Variants in UBR4 observed in about 807,000 individuals in gnomAD.
UBR4 encodes E3 ubiquitin-protein ligase UBR4.
UBR4 carries 124 observed loss-of-function variants against 575.6 expected under a neutral mutation model. That is an observed-to-expected ratio of 0.22 (90% CI 0.19 to 0.25). The LOEUF (loss-of-function observed/expected upper bound fraction) is 0.25, where lower values mean the gene tolerates loss of function less well. UBR4 is among the 10% of genes least tolerant of loss of function. UBR4 has a pLI of 1.00. For synonymous variants in UBR4, 2,455 were observed against 2,473.7 expected, an observed-to-expected ratio of 0.99 and a Z score of 0.22; for missense variants, 4,818 against 6,478.8, an observed-to-expected ratio of 0.74 and a Z score of 8.80.
At chr1:19,174,626 T>G (rs1263018325) in intron 21 of UBR4, among the ~76,000 whole-genome samples, 179 bp from the exon 22 acceptor site, 1 of 152,264 alleles carries the variant, frequency 6.6e-6, no homozygotes, top group Non-Finnish European at 1.5e-5. Flanking sequence ...CAAGCTATTG[T>G]GAGCACACAG....
Position 19,114,961 on chromosome 1 carries a change from A to G in UBR4, c.11064-12T>C. On this transcript the variant is annotated splice_polypyrimidine_tract_variant and intron_variant, in intron 74 of 105. Transcript: ENST00000375254. ...CGTAGTTGATGGATCTGAGTAACCA[A>G]AGCGTTTGGGTCAGTAAGGTGACAA... 1 of 1,614,142 alleles carries G rather than the reference A, an allele frequency of 6.2e-7. No individual in the cohort carries two copies. Among genetic ancestry groups the G allele is most frequent in the African/African-American group, 1.3e-5 (1 of 75,044 alleles).
Position 19,117,381 on chromosome 1 carries a change from G to A in UBR4, c.10663C>T (p.Arg3555Trp). The change falls in exon 73 of 106, where the codon CGG becomes TGG. Residue 3555 changes from arginine to tryptophan, a missense_variant. By Grantham distance (101) the Arg-to-Trp change is moderately radical. This residue lies in a region of UBR4 where 550 missense variants were observed against 791.5 expected (regional missense o/e 0.69). Coordinates refer to ENST00000375254, the MANE Select transcript of UBR4 (RefSeq NM_020765.3). The surrounding 1 kb of genome is among the most constrained non-coding windows in gnomAD (Gnocchi z 4.0). ...IKLSSIKVDT[R>W]YTTTQQVVKL... ...ACAACCTGCTGGGTGGTGGTGTACC[G>A]CGTGTCCACTTTAATGGAAGACAGC... 4.3e-6 allele frequency: 7 copies of A among 1,614,164 alleles called. No homozygotes were observed. The highest frequency in any genetic ancestry group is 2.2e-5 in the East Asian group (1 of 44,888).
chr1:19,164,314 C>T lies in UBR4; in HGVS notation c.4639G>A (p.Ala1547Thr). Residue 1547 changes from alanine to threonine, a missense_variant, in exon 33 of 106, where the codon GCA becomes ACA. Physicochemically the swap from Ala to Thr is moderately conservative, Grantham distance 58. Around this residue, in one of 29 missense-constraint regions of UBR4, gnomAD observed 1,172 missense variants for 1,259.7 expected, o/e 0.93. Transcript: ENST00000375254. ...TGAAGGTGACCAGCACCTTGACCTG[C>T]ACTGGCCAGAGTGGCCATCACAACC... Reference protein sequence around the residue: ...LMVVMATLASAGQGAGHLQLH... With the variant: ...LMVVMATLASTGQGAGHLQLH... 6.2e-7 allele frequency: 1 copy of T among 1,614,236 alleles called. No homozygotes were observed. Among genetic ancestry groups the T allele is most frequent in the Middle Eastern group, 1.6e-4 (1 of 6,062 alleles).
intron 97 of UBR4, among the ~76,000 whole-genome samples, chr1:19,090,295 C>T (rs1413054593): frequency 6.6e-6 from 1 of 152,192 alleles, no homozygotes; most frequent in Non-Finnish European, 1.5e-5. Flanking sequence ...CGATAAAAGC[C>T]TGTCAACTGT....
In UBR4 at chr1:19,185,199, G is replaced by A. The variant is rs377298895; in HGVS notation, c.1838C>T (p.Pro613Leu). ...KEKAAPPPPP[P>L]PPPLESSPRV... is the part of the protein sequence containing the mutation. ...AGGAGAGCTTTCCAGTGGAGGAGGTGGGGGAGGAGGCGGAGGTGCTGCTTT... is the reference window on the plus strand; with the variant it reads ...AGGAGAGCTTTCCAGTGGAGGAGGTAGGGGAGGAGGCGGAGGTGCTGCTTT... The change falls in exon 15 of 106, where the codon CCA becomes CTA. Residue 613 changes from proline to leucine, a missense_variant. Physicochemically the swap from Pro to Leu is moderately conservative, Grantham distance 98 (BLOSUM62 -3). Transcript: ENST00000375254. 2.5e-6 allele frequency: 4 copies of A among 1,614,074 alleles called. No homozygotes were observed. Among genetic ancestry groups the A allele is most frequent in the African/African-American group, 2.7e-5 (2 of 75,046 alleles).
chr1:19,124,161 G>T (rs1252060442), intron 65 of UBR4, among the ~76,000 whole-genome samples: 1 of 152,188 alleles, frequency 6.6e-6, no homozygotes, highest in Admixed American at 6.5e-5. Flanking sequence ...TACTATCCCT[G>T]TGTTACCTCA....
rs2077675588 is a variant in UBR4 at position 19,093,009 on chromosome 1, G to A, written c.14112-91C>T. On this transcript the variant is annotated intron_variant, in intron 96 of 105. Transcript: ENST00000375254. This position sits in a 1 kb window ranked among gnomAD's most constrained non-coding sequence, Gnocchi z 4.8. ...GACTCTGGCTTGTTTAAACCCCCAG[G>A]GCATGATTAACCGTGACCCTCTCCG... is the stretch of plus-strand genomic sequence containing the variant. The A allele has an allele frequency of 2.5e-6, 3 of 1,190,142 alleles. No individual in the cohort carries two copies. Among genetic ancestry groups the A allele is most frequent in the Admixed American group, 2.0e-5 (1 of 48,798 alleles). The allele number at this position is 1,190,142 out of a possible 1,614,324, so 73.7% of individuals were successfully genotyped here. A position where few individuals can be genotyped will look rare whatever the true frequency, so the allele number is the denominator to read the frequency against.
At chr1:19,104,491 G>C (rs2078979988) in intron 86 of UBR4, 94 bp downstream of exon 86, 1 of 1,390,228 alleles carries the variant, frequency 7.2e-7, no homozygotes, top group African/African-American at 1.4e-5. Flanking sequence ...GTCAGTACCA[G>C]AGAGAAGAGA....
At chr1:19,141,553 C>T (rs1246290112) in intron 56 of UBR4, 29 bp from the exon 57 acceptor site, 3 of 1,597,566 alleles carry the variant, frequency 1.9e-6, no homozygotes, top group Non-Finnish European at 8.5e-7. Flanking sequence ...GTCAGTGTCC[C>T]ATGGTAAGTG....
In UBR4 at chr1:19,155,648, A is replaced by G. The variant is rs766237494; in HGVS notation, c.6093T>C (p.Asp2031=). ...DFVKIYDLCV[D]ALSPTFYFLL... The stretch of plus-strand genomic sequence containing the variant: ...GAAAATAGAAGGTTGGACTCAAGGC[A>G]TCAACACACAGGTCATAAATCTGCA... The change falls in exon 43 of 106, where the codon GAT becomes GAC. Residue 2031 remains aspartate, a synonymous_variant. Coordinates refer to ENST00000375254, the MANE Select transcript of UBR4 (RefSeq NM_020765.3). 6.2e-7 allele frequency: 1 copy of G among 1,614,194 alleles called. No individual in the cohort carries two copies. The highest frequency in any genetic ancestry group is 8.5e-7 in the Non-Finnish European group (1 of 1,180,008).
chr1:19,190,312 A>AATATAT (rs1553226959), intron 11 of UBR4, among the ~76,000 whole-genome samples: 340 of 79,454 alleles, frequency 4.3e-3, no homozygotes, highest in African/African-American at 4.9e-3. Flanking sequence ...AAAAAAAAAA[A>AATATAT]ATATATATAT....
chr1:19,136,667 T>C (rs2083231234), intron 60 of UBR4, among the ~76,000 whole-genome samples: 1 of 152,178 alleles, frequency 6.6e-6, no homozygotes, highest in African/African-American at 2.4e-5. Context: ...ACATTAATTA[T>C]AAATGAACTC....
rs372181762 is a variant in UBR4 at position 19,152,514 on chromosome 1, C to G, written c.6833-38G>C. ...GTACCAGATCGTCAAGAGTCTCTCC[C>G]ACCTCTGCCCCAACACCACTGGTAA... On this transcript the variant is annotated intron_variant, in intron 46 of 105. Transcript: ENST00000375254. This position sits in a 1 kb window ranked among gnomAD's most constrained non-coding sequence, Gnocchi z 4.4. 7.4e-6 allele frequency: 12 copies of G among 1,611,004 alleles called. No homozygotes were observed. The African/African-American group carries it at 1.5e-4, about 20-fold the overall frequency.
chr1:19,124,685 A>G lies in UBR4; in HGVS notation c.9444T>C (p.His3148=), dbSNP rs763478090. ...TATAGGCCTCAAACACATCAGCAGC[A>G]TGACCCTGGGAGAAGAAAATTTGCA... ...PFFLRQYVKG[H]AADVFEAYTQ... Residue 3148 remains histidine, a synonymous_variant, in exon 65 of 106, where the codon CAT becomes CAC. Coordinates refer to ENST00000375254, the MANE Select transcript of UBR4 (RefSeq NM_020765.3). The G allele has an allele frequency of 3.7e-6, 6 of 1,612,920 alleles. No homozygotes were observed. In the East Asian group the frequency reaches 1.3e-4, roughly 36 times the overall value.
chr1:19,156,494 T>C (rs2086469455), intron 41 of UBR4, 71 bp from the exon 42 acceptor site: 2 of 1,546,852 alleles, frequency 1.3e-6, no homozygotes, highest in Admixed American at 2.0e-5. Flanking sequence ...TTCAGAGTAA[T>C]GACGTTCCCT....
intron 67 of UBR4, 51 bp downstream of exon 67, chr1:19,121,883 C>A (rs2081220850): frequency 1.9e-6 from 3 of 1,602,962 alleles, no homozygotes; most frequent in African/African-American, 2.7e-5. Flanking sequence ...TAGGCCTTAA[C>A]AGTTCCTGAA....
At chr1:19,196,808 C>T (rs920215741) in intron 8 of UBR4, among the ~76,000 whole-genome samples, 4 of 152,170 alleles carry the variant, frequency 2.6e-5, no homozygotes, top group Admixed American at 2.0e-4. Flanking sequence ...TTCTCTGCTG[C>T]TCAGATGTAG....
chr1:19,177,670 G>A lies in UBR4; in HGVS notation c.2428C>T (p.His810Tyr). 1 of 1,614,100 alleles carries A rather than the reference G, an allele frequency of 6.2e-7. No individual in the cohort carries two copies. The highest frequency in any genetic ancestry group is 8.5e-7 in the Non-Finnish European group (1 of 1,180,000). ...PSETEDLNVE[H>Y]LQMLLLIFHN... ...AAAATGAGGAGGAGCATCTGCAGGT[G>A]TTCTACATTCAGATCCTCTGTCTCA... The change falls in exon 19 of 106, where the codon CAC (histidine) becomes TAC (tyrosine). Residue 810 changes from histidine (H) to tyrosine (Y), a missense_variant. Transcript: ENST00000375254.
rs778314924 is a variant in UBR4 at position 19,185,108 on chromosome 1, A to G, written c.1929T>C (p.Asp643=). 6.2e-7 allele frequency: 1 copy of G among 1,614,120 alleles called. No individual in the cohort carries two copies. The highest frequency in any genetic ancestry group is 1.1e-5 in the South Asian group (1 of 91,076). Residue 643 remains aspartate, a synonymous_variant, in exon 15 of 106, where the codon GAT becomes GAC. Coordinates refer to ENST00000375254, the MANE Select transcript of UBR4 (RefSeq NM_020765.3). The part of the protein sequence containing the change: ...EKGNILASRK[D]PELFLGLASN... Reference sequence around the variant, plus strand: ...AGAAACCTACTCTTACCAACTCAGGATCTTTGCGACTCGCCAGAATGTTGC... The same window carrying G: ...AGAAACCTACTCTTACCAACTCAGGGTCTTTGCGACTCGCCAGAATGTTGC...
Sources: gnomAD v4.1 joint callset for allele counts (sites outside exome capture counted in the v4.1 genomes callset) on GRCh38, gnomAD v4.1.1 for gene constraint, gnomAD v4.1.1 regional missense constraint, Gnocchi (gnomAD v3.1) non-coding constraint, MANE v1.5 for transcripts, NCBI Gene and HGNC (gene_info 2026-07-23, HGNC 2026-07-21) for gene names.